The following NELL1 variants were observed in gnomAD, a reference collection of about 807,000 sequenced individuals.
NELL1 encodes the protein neural EGFL like 1.
In NELL1, 76 loss-of-function variants were observed where a neutral mutation model predicts 107.4. The observed-to-expected ratio is 0.71, with a 90% CI of 0.59 to 0.86. The LOEUF (loss-of-function observed/expected upper bound fraction) is 0.86. NELL1 is among the 40% of genes least tolerant of loss of function. The pLI is 0.00. For synonymous variants in NELL1, 353 were observed against 341.2 expected, an observed-to-expected ratio of 1.03 and a Z score of -0.38; for missense variants, 1,024 against 1,005.5, an observed-to-expected ratio of 1.02 and a Z score of -0.25.
chr11:20,929,989 A>AAT (rs1218954540), intron 9 of NELL1, among the ~76,000 whole-genome samples: 2 of 150,484 alleles, frequency 1.3e-5, no homozygotes, highest in East Asian at 3.9e-4. Flanking sequence ...AAAGAAAAAA[A>AAT]AAAAAAGGCT....
chr11:21,119,607 C>T (rs1211178263), intron 13 of NELL1, among the ~76,000 whole-genome samples: 1 of 152,002 alleles, frequency 6.6e-6, no homozygotes, highest in African/African-American at 2.4e-5. Flanking sequence ...AAACATTTGG[C>T]CTTTGACCCT....
At chr11:21,141,335 C>G (rs1310484543) in intron 13 of NELL1, among the ~76,000 whole-genome samples, 1 of 152,206 alleles carries the variant, frequency 6.6e-6, no homozygotes, top group Admixed American at 6.5e-5. Context: ...TCCCTCAGCT[C>G]TGTAGGTTTT....
At chr11:20,700,601 G>A (rs36007182) in intron 2 of NELL1, among the ~76,000 whole-genome samples, 4 of 151,696 alleles carry the variant, frequency 2.6e-5, no homozygotes, top group African/African-American at 7.3e-5. Context: ...GTTGGTGTGC[G>A]GCACCCATTA....
At chr11:20,888,473 ATATAT>A (rs1849554747) in intron 5 of NELL1, among the ~76,000 whole-genome samples, 1 of 151,230 alleles carries the variant, frequency 6.6e-6, no homozygotes, top group Non-Finnish European at 1.5e-5. Context: ...ATAATAAAGA[ATATAT>A]TATGTCTATA....
chr11:20,719,242 TC>T (rs1384465581), intron 2 of NELL1, among the ~76,000 whole-genome samples: 1 of 152,208 alleles, frequency 6.6e-6, no homozygotes, highest in Non-Finnish European at 1.5e-5. Flanking sequence ...CAAACAAATG[TC>T]CCATCTAATC....
intron 14 of NELL1, among the ~76,000 whole-genome samples, chr11:21,352,119 G>A (rs1015608766): frequency 1.3e-5 from 2 of 151,846 alleles, no homozygotes; most frequent in South Asian, 4.2e-4. Flanking sequence ...GCCTGTTCTC[G>A]GTCTTCCTTT....
intron 13 of NELL1, among the ~76,000 whole-genome samples, chr11:21,167,663 G>A (rs185990625): frequency 5.9e-5 from 9 of 151,942 alleles, no homozygotes; most frequent in Admixed American, 5.9e-4. Flanking sequence ...ACCTTCTGGA[G>A]TATGAGTCTC....
intron 2 of NELL1, among the ~76,000 whole-genome samples, chr11:20,776,851 G>T (rs1836573680): frequency 6.6e-6 from 1 of 152,190 alleles, no homozygotes; most frequent in Non-Finnish European, 1.5e-5. Context: ...CTCTGCTGGG[G>T]CAAGAGTCAG....
chr11:21,127,571 G>A (rs1167935945), intron 13 of NELL1, among the ~76,000 whole-genome samples: 1 of 151,854 alleles, frequency 6.6e-6, no homozygotes, highest in African/African-American at 2.4e-5. Flanking sequence ...GCTATGATCC[G>A]AGAAGAAGAA....
chr11:21,451,591 G>T (rs1016943115), intron 15 of NELL1, among the ~76,000 whole-genome samples: 2 of 151,958 alleles, frequency 1.3e-5, no homozygotes, highest in East Asian at 1.9e-4. Context: ...AAATGAAAAA[G>T]GTTCCTGAGA....
At chr11:21,434,955 A>T (rs1853070032) in intron 15 of NELL1, among the ~76,000 whole-genome samples, 1 of 151,872 alleles carries the variant, frequency 6.6e-6, no homozygotes, top group African/African-American at 2.4e-5. Context: ...TTTGTATGGA[A>T]TTTTTTAAAA....
Position 20,960,435 on chromosome 11 carries a change from A to G in NELL1, c.1175A>G (p.His392Arg), listed in dbSNP as rs776968741. Residue 392 changes from histidine to arginine, a missense_variant, in exon 12 of 20, where the codon CAT (histidine) becomes CGT (arginine). Coordinates refer to ENST00000357134, the MANE Select transcript of NELL1 (RefSeq NM_006157.5). ...CGTTTTTATTTGTTTTTTCTAGGTC[A>G]TAACTTTTGTGCAGAAGGACCTAAA... ...ENQCCRVCRG[H>R]NFCAEGPKCG... The G allele has an allele frequency of 2.5e-6, 4 of 1,613,514 alleles. No homozygotes were observed. In the Admixed American group the frequency reaches 5.0e-5, roughly 20 times the overall value.
chr11:21,497,463 CTTGA>C (rs1331325412), intron 15 of NELL1, among the ~76,000 whole-genome samples: 1 of 152,048 alleles, frequency 6.6e-6, no homozygotes, highest in African/African-American at 2.4e-5. Context: ...TGATCCAGAA[CTTGA>C]TTAAGAAAGT....
At chr11:20,958,032 ATCT>A (rs1252536143) in intron 11 of NELL1, among the ~76,000 whole-genome samples, 1 of 152,230 alleles carries the variant, frequency 6.6e-6, no homozygotes, top group East Asian at 1.9e-4. Context: ...AGATTTCATC[ATCT>A]TTCAGATTCA....
chr11:21,030,624 T>A (rs80017756), intron 12 of NELL1, among the ~76,000 whole-genome samples: 3 of 107,638 alleles, frequency 2.8e-5, no homozygotes, highest in African/African-American at 1.6e-4. Flanking sequence ...TTTCTTGTAT[T>A]TTTTTTTTTT....
chr11:20,843,812 G>C (rs996257643), intron 3 of NELL1, among the ~76,000 whole-genome samples: 4 of 151,694 alleles, frequency 2.6e-5, no homozygotes, highest in African/African-American at 9.7e-5. Flanking sequence ...TTTATTTCCA[G>C]ATCTACTAAG....
chr11:21,547,750 AACT>A (rs946432454), intron 16 of NELL1, among the ~76,000 whole-genome samples: 82 of 152,028 alleles, frequency 5.4e-4, no homozygotes, highest in African/African-American at 1.9e-3. Context: ...ATTATCAAGC[AACT>A]ACTATGTGTT....
In NELL1 at chr11:20,726,631, T is replaced by C. The variant is rs1855514942; in HGVS notation, c.184+48571T>C. 1.3e-5 allele frequency among the ~76,000 whole-genome samples: 2 copies of C among 152,194 alleles called. 1 individual carries two copies. Among genetic ancestry groups the C allele is most frequent in the South Asian group, 4.1e-4 (2 of 4,826 alleles). On this transcript the variant is annotated intron_variant, in intron 2 of 19. Transcript: ENST00000357134. Reference sequence around the variant, plus strand: ...TTAAATTATACTTTAAGTTCTAGGGTACATGTGCACAATGTGCAGGTTTGT... The same window carrying C: ...TTAAATTATACTTTAAGTTCTAGGGCACATGTGCACAATGTGCAGGTTTGT...
At chr11:20,886,967 C>A (rs956342814) in intron 5 of NELL1, among the ~76,000 whole-genome samples, 1 of 152,168 alleles carries the variant, frequency 6.6e-6, no homozygotes, top group African/African-American at 2.4e-5. Flanking sequence ...AGAACCATTT[C>A]TTTATCTCCA....
Sources: allele counts gnomAD v4.1 joint callset (sites outside exome capture counted in the v4.1 genomes callset), GRCh38; gene constraint gnomAD v4.1.1; transcripts MANE v1.5; gene names NCBI Gene and HGNC (gene_info 2026-07-23, HGNC 2026-07-21).